The following MBOAT2 variants were observed in gnomAD, a reference collection of about 807,000 sequenced individuals.
The protein encoded by MBOAT2 is membrane bound glycerophospholipid O-acyltransferase 2.
A neutral mutation model predicts 63.4 loss-of-function variants in MBOAT2; 28 were observed. That is an observed-to-expected ratio of 0.44 (90% CI 0.33 to 0.61). MBOAT2 has a LOEUF of 0.61. MBOAT2 is among the 20% of genes least tolerant of loss of function. MBOAT2 has a pLI of 0.03. For synonymous variants in MBOAT2, 211 were observed against 215.6 expected (o/e 0.98, Z 0.19); for missense variants, 470 against 605.8 (o/e 0.78, Z 2.35).
chr2:8,970,499 A>C (rs1670370063), intron 1 of MBOAT2, among the ~76,000 whole-genome samples: 1 of 152,240 alleles, frequency 6.6e-6, no homozygotes, highest in African/African-American at 2.4e-5. Flanking sequence ...AAGCTAGCAG[A>C]AGGCAACAAA....
At chr2:8,886,955 T>C (rs558318682) in intron 5 of MBOAT2, among the ~76,000 whole-genome samples, 16 of 152,358 alleles carry the variant, frequency 1.1e-4, no homozygotes, top group African/African-American at 3.6e-4. Context: ...ACCCACTTCA[T>C]TGATCACAAT....
intron 5 of MBOAT2, among the ~76,000 whole-genome samples, chr2:8,883,875 C>A (rs1663332768): frequency 6.6e-6 from 1 of 151,538 alleles, no homozygotes; most frequent in Non-Finnish European, 1.5e-5. Context: ...CCACTTTTGA[C>A]AATTATGTAA....
intron 3 of MBOAT2, among the ~76,000 whole-genome samples, chr2:8,927,544 G>A (rs529265033): frequency 4.0e-4 from 61 of 152,240 alleles, no homozygotes; most frequent in Admixed American, 1.1e-3. Flanking sequence ...CTCAAACACC[G>A]GGCAGCCCAA....
At chr2:8,939,435 G>A (rs559637132) in intron 3 of MBOAT2, among the ~76,000 whole-genome samples, 2 of 152,340 alleles carry the variant, frequency 1.3e-5, no homozygotes, top group Non-Finnish European at 2.9e-5. Flanking sequence ...GAGTCCGATG[G>A]CATCAACCGC....
At chr2:8,928,627 GAATA>G (rs1453897001) in intron 3 of MBOAT2, among the ~76,000 whole-genome samples, 1 of 151,376 alleles carries the variant, frequency 6.6e-6, no homozygotes, top group East Asian at 1.9e-4. Flanking sequence ...GTTAATTCAA[GAATA>G]ATTATAATAA....
intron 1 of MBOAT2, among the ~76,000 whole-genome samples, chr2:8,985,380 T>TA (rs1671495796): frequency 6.6e-6 from 1 of 152,196 alleles, no homozygotes; most frequent in South Asian, 2.1e-4. Flanking sequence ...TCTTTAAAGA[T>TA]AAAATGTGTG....
At chr2:8,923,933 T>G (rs948966301) in intron 3 of MBOAT2, among the ~76,000 whole-genome samples, 2 of 152,146 alleles carry the variant, frequency 1.3e-5, no homozygotes, top group Non-Finnish European at 2.9e-5. Flanking sequence ...ATGGGTTTTT[T>G]TGTAGATCAG....
chr2:9,002,841 TAAAG>T (rs1281309709), intron 1 of MBOAT2, among the ~76,000 whole-genome samples: 3 of 152,116 alleles, frequency 2.0e-5, no homozygotes, highest in African/African-American at 7.2e-5. Context: ...GGCAAGGAGG[TAAAG>T]TGGCTGCATC....
At chr2:8,924,677 C>G (rs1666816132) in intron 3 of MBOAT2, among the ~76,000 whole-genome samples, 1 of 150,928 alleles carries the variant, frequency 6.6e-6, no homozygotes, top group Admixed American at 6.6e-5. Context: ...AAAAATGAAC[C>G]AAACCCCCAC....
At chr2:8,902,595 C>T (rs1285363761) in intron 4 of MBOAT2, among the ~76,000 whole-genome samples, 1 of 152,044 alleles carries the variant, frequency 6.6e-6, no homozygotes. Flanking sequence ...GTTCATTCCT[C>T]CCGGTGGGTT....
chr2:8,864,113 C>A, intron 10 of MBOAT2, 57 bp downstream of exon 10: 1 of 1,233,758 alleles, frequency 8.1e-7, no homozygotes, highest in Non-Finnish European at 1.1e-6. Context: ...CAATGAAGCT[C>A]AACCTCGAGA....
chr2:8,920,356 T>A (rs1666485859), intron 3 of MBOAT2, among the ~76,000 whole-genome samples: 1 of 152,224 alleles, frequency 6.6e-6, no homozygotes, highest in Non-Finnish European at 1.5e-5. Context: ...CATAAAGGTT[T>A]ATTTCTGAAC....
rs753077945 is a variant in MBOAT2, at chr2:8,979,426, T to C, written c.76-20784A>G. Among the ~76,000 whole-genome samples the C allele has an allele frequency of 3.7e-4, 56 of 152,076 alleles. 1 individual carries two copies. Among genetic ancestry groups the C allele is most frequent in the Non-Finnish European group, 5.0e-4 (34 of 67,992 alleles). ...GATTATTTTGCCTCAATGTCACACA[T>C]GATGAATGATTTTCTAGGAAATCGT... On this transcript the variant is annotated intron_variant, in intron 1 of 12. Transcript: ENST00000305997.
chr2:8,968,788 G>A (rs959874309), intron 1 of MBOAT2, among the ~76,000 whole-genome samples: 6 of 152,130 alleles, frequency 3.9e-5, no homozygotes, highest in African/African-American at 1.4e-4. Context: ...AGTGATTGAA[G>A]ATCAAATGAA....
In MBOAT2 at chr2:8,862,866, T is replaced by C. The variant is rs1231432734; in HGVS notation, c.1053-144A>G. 10 of 1,028,880 alleles carry C rather than the reference T, an allele frequency of 9.7e-6. No individual in the cohort carries two copies. Among genetic ancestry groups the C allele is most frequent in the African/African-American group, 1.6e-5 (1 of 61,824 alleles). 63.7% of individuals were successfully genotyped at this position (1,028,880 alleles called of 1,614,324 possible). A position where few individuals can be genotyped will look rare whatever the true frequency, so the allele number is the denominator to read the frequency against. The stretch of plus-strand genomic sequence containing the variant: ...AACTTATCTTAGGCAATCACTTCTC[T>C]ATGATCTCAGGGAGGCTATAGCTAT... On this transcript the variant is annotated intron_variant, in intron 10 of 12. Transcript: ENST00000305997. The surrounding 1 kb of genome is among the most constrained non-coding windows in gnomAD (Gnocchi z 4.3).
At chr2:8,918,070 G>GGACT (rs1322612982) in intron 3 of MBOAT2, among the ~76,000 whole-genome samples, 1 of 152,174 alleles carries the variant, frequency 6.6e-6, no homozygotes, top group Non-Finnish European at 1.5e-5. Flanking sequence ...GAGACAGGAT[G>GGACT]GACTGATTGC....
At chr2:8,935,704 T>G (rs1233004653) in intron 3 of MBOAT2, among the ~76,000 whole-genome samples, 1 of 152,238 alleles carries the variant, frequency 6.6e-6, no homozygotes, top group Non-Finnish European at 1.5e-5. Context: ...TCTAAGTTAC[T>G]GATTTAATCC....
At chr2:8,955,061 A>G (rs1163444820) in intron 2 of MBOAT2, among the ~76,000 whole-genome samples, 1 of 152,170 alleles carries the variant, frequency 6.6e-6, no homozygotes, top group African/African-American at 2.4e-5. Flanking sequence ...TTCTAGCCCT[A>G]CAGCTGAGGT....
At chr2:8,995,244 A>G (rs569444704) in intron 1 of MBOAT2, among the ~76,000 whole-genome samples, 1 of 151,880 alleles carries the variant, frequency 6.6e-6, no homozygotes, top group South Asian at 2.1e-4. Context: ...TAAAGGAGAG[A>G]AAAAAAAATC....
Sources: gnomAD v4.1 joint callset for allele counts (sites outside exome capture counted in the v4.1 genomes callset) on GRCh38, gnomAD v4.1.1 for gene constraint, Gnocchi (gnomAD v3.1) non-coding constraint, MANE v1.5 for transcripts, NCBI Gene and HGNC (gene_info 2026-07-23, HGNC 2026-07-21) for gene names.